The following FBXW10B variants were observed in gnomAD, a reference collection of about 807,000 sequenced individuals.
FBXW10B encodes F-box and WD repeat domain containing 10B.
the FBXW10B span, among the ~76,000 whole-genome samples, chr17:15,569,816 C>G: frequency 6.6e-6 from 1 of 152,122 alleles, no homozygotes; most frequent in African/African-American, 2.4e-5. Flanking sequence ...CTCAAGTGAT[C>G]TTTCTGTCTT....
At chr17:15,586,963 G>A in the FBXW10B span, among the ~76,000 whole-genome samples, 1 of 151,562 alleles carries the variant, frequency 6.6e-6, no homozygotes. Flanking sequence ...GTATAAGAGG[G>A]AAGGGCATCT....
chr17:15,601,049 C>CAAAAAAAAAAAAAAAA, the FBXW10B span, among the ~76,000 whole-genome samples: 3 of 28,260 alleles, frequency 1.1e-4, 1 homozygote, highest in African/African-American at 2.6e-4. Flanking sequence ...GACTCCATCT[C>CAAAAAAAAAAAAAAAA]AAAAAAAAAA....
chr17:15,588,528 T>C, the FBXW10B span: 1 of 243,510 alleles, frequency 4.1e-6, no homozygotes, highest in South Asian at 5.5e-5. Flanking sequence ...ATTTCTCTTA[T>C]AGAGAGGAGT....
At chr17:15,572,207 A>G in the FBXW10B span, 2 of 152,062 alleles carry the variant, frequency 1.3e-5, no homozygotes, top group African/African-American at 4.8e-5. Flanking sequence ...CTTGGGGAAT[A>G]GAATGTTGTA....
At chr17:15,582,373 A>G in the FBXW10B span, among the ~76,000 whole-genome samples, 1 of 152,064 alleles carries the variant, frequency 6.6e-6, no homozygotes, top group Non-Finnish European at 1.5e-5. Context: ...ACCTTTTTCT[A>G]TCTAAAAGAT....
the FBXW10B span, chr17:15,605,215 C>G: frequency 6.3e-7 from 1 of 1,591,378 alleles, no homozygotes. Flanking sequence ...TGTCTTTGGA[C>G]TCCTCACCTG....
chr17:15,617,395 C>T, the FBXW10B span, among the ~76,000 whole-genome samples: 1 of 152,122 alleles, frequency 6.6e-6, no homozygotes, highest in Admixed American at 6.6e-5. Context: ...TTTCTCCCAC[C>T]TCTGCTTAAA....
chr17:15,602,060 T>C, the FBXW10B span, among the ~76,000 whole-genome samples: 70 of 150,008 alleles, frequency 4.7e-4, no homozygotes, highest in Non-Finnish European at 5.8e-4. Flanking sequence ...GGCAGTGAGC[T>C]GAGATCGCAC....
chr17:15,588,504 A>G, the FBXW10B span: 3 of 224,382 alleles, frequency 1.3e-5, no homozygotes, highest in African/African-American at 2.3e-5. Context: ...CAACCCTAGG[A>G]GGAAAAGATG....
the FBXW10B span, among the ~76,000 whole-genome samples, chr17:15,584,794 C>T: frequency 2.7e-4 from 41 of 152,312 alleles, 1 homozygote; most frequent in Admixed American, 2.5e-3. Flanking sequence ...AATTGAGCCA[C>T]ATCATTTTCT....
At chr17:15,614,232 A>G in the FBXW10B span, among the ~76,000 whole-genome samples, 1 of 151,996 alleles carries the variant, frequency 6.6e-6, no homozygotes, top group African/African-American at 2.4e-5. Flanking sequence ...TCTGTCGCCC[A>G]GGTTGGAGTG....
At chr17:15,598,282 TA>T in the FBXW10B span, among the ~76,000 whole-genome samples, 2,333 of 152,056 alleles carry the variant, frequency 0.015, 44 homozygotes, top group African/African-American at 0.047. Flanking sequence ...CATATCCTAT[TA>T]TTTTTTTTTT....
At chr17:15,597,454 C>A in the FBXW10B span, among the ~76,000 whole-genome samples, 6 of 139,848 alleles carry the variant, frequency 4.3e-5, no homozygotes, top group African/African-American at 1.4e-4. Flanking sequence ...GGTGAAACCC[C>A]GTCTCTACTA....
At chr17:15,594,676 G>A in the FBXW10B span, 1 of 1,510,604 alleles carries the variant, frequency 6.6e-7, no homozygotes, top group South Asian at 1.2e-5. Flanking sequence ...GTCTGCCAAT[G>A]ATTGCAGTCT....
At chr17:15,569,460 T>TA in the FBXW10B span, among the ~76,000 whole-genome samples, 110 of 128,164 alleles carry the variant, frequency 8.6e-4, 1 homozygote, top group Non-Finnish European at 1.5e-3. Context: ...TTTTTCTTTT[T>TA]TTTTTTTTTT....
chr17:15,575,176 C>T, the FBXW10B span, among the ~76,000 whole-genome samples: 31,797 of 128,560 alleles, frequency 0.25, 1,557 homozygotes, highest in African/African-American at 0.38. Flanking sequence ...AGGATAAAAC[C>T]AAGTGTTTTG....
chr17:15,596,644 C>T, the FBXW10B span: 1 of 1,613,536 alleles, frequency 6.2e-7, no homozygotes, highest in South Asian at 1.1e-5. Context: ...CAGGCACTTC[C>T]CTGTGTCTAC....
chr17:15,606,358 T>C, the FBXW10B span, among the ~76,000 whole-genome samples: 5 of 145,118 alleles, frequency 3.4e-5, no homozygotes, highest in Admixed American at 7.0e-5. Context: ...AAACCCCGTC[T>C]CTACAAAAAA....
At chr17:15,612,612 A>T in the FBXW10B span, 1 of 1,573,330 alleles carries the variant, frequency 6.4e-7, no homozygotes, top group South Asian at 1.2e-5. Context: ...CTCTGTCCTC[A>T]CTCCAGGGCT....
Sources: allele counts gnomAD v4.1 joint callset (sites outside exome capture counted in the v4.1 genomes callset), GRCh38; gene constraint gnomAD v4.1.1; transcripts MANE v1.5; gene names NCBI Gene and HGNC (gene_info 2026-07-23, HGNC 2026-07-21).